The following HID1 variants were observed in gnomAD, a reference collection of about 807,000 sequenced individuals.
The protein encoded by HID1 is HID1 domain containing.
Under a neutral mutation model 89.7 loss-of-function variants are expected in HID1, and 42 were observed. That is an observed-to-expected ratio of 0.47 (90% confidence interval 0.37 to 0.61). The LOEUF (loss-of-function observed/expected upper bound fraction) is 0.61, where lower values mean the gene tolerates loss of function less well. HID1 is among the 20% of genes least tolerant of loss of function. The pLI, the probability that HID1 is intolerant of heterozygous loss-of-function variation, is 0.00. For missense variants in HID1, 854 were observed against 1,039.3 expected, an observed-to-expected ratio of 0.82 and a Z score of 2.45; for synonymous variants, 442 against 433.8, an observed-to-expected ratio of 1.02 and a Z score of -0.24.
In HID1 at chr17:74,951,115, A is replaced by AAC. The variant is rs1291904335; in HGVS notation, c.*453_*454dup. 6.3e-6 allele frequency: 1 copy of AAC among 159,486 alleles called. No homozygotes were observed. The allele number at this position is 159,486 out of a possible 1,614,324, so 9.9% of individuals were successfully genotyped here. ...CACACCTTTTTCCCCTGGAGCCTGG[A>AAC]ACAGCTGGCTTTGGGTTAGGAGGCT... On this transcript the variant is annotated 3_prime_UTR_variant, in exon 19 of 19. Coordinates refer to ENST00000425042, the MANE Select transcript of HID1 (RefSeq NM_030630.3).
rs550899529 is a variant in HID1 at position 74,971,185 on chromosome 17, C to G, written c.66+1406G>C. ...CCAGCTGCCGAGCCCACAGTGCAAT[C>G]CTCCAACAAGGAGTTTCTTCCCCAG... On this transcript the variant is annotated intron_variant, in intron 1 of 18. Transcript: ENST00000425042. Among the ~76,000 whole-genome samples the G allele has an allele frequency of 2.0e-5, 3 of 152,288 alleles. No homozygotes were observed. The South Asian group carries it at 6.2e-4, about 32-fold the overall frequency.
chr17:74,962,005 G>T lies in HID1; in HGVS notation c.612-16C>A, dbSNP rs375098395. Reference sequence around the variant, plus strand: ...CAGCTCCATCCTTGTAGGAGGAAGGGGGAGGGCACCTTAGGATCCCAGTCC... The same window carrying T: ...CAGCTCCATCCTTGTAGGAGGAAGGTGGAGGGCACCTTAGGATCCCAGTCC... On this transcript the variant is annotated splice_polypyrimidine_tract_variant and intron_variant, in intron 5 of 18. Transcript: ENST00000425042. The surrounding 1 kb of genome is among the most constrained non-coding windows in gnomAD (Gnocchi z 4.3). The T allele has an allele frequency of 2.6e-6, 4 of 1,534,934 alleles. No individual in the cohort carries two copies. In the African/African-American group the frequency reaches 5.5e-5, roughly 21 times the overall value.
intron 13 of HID1, chr17:74,954,760 G>A: frequency 3.6e-6 from 1 of 276,220 alleles, no homozygotes; most frequent in Non-Finnish European, 7.0e-6. Flanking sequence ...AAGTCACAGA[G>A]GATCCGTCCA....
chr17:74,957,719 G>A (rs1232020765), intron 12 of HID1, among the ~76,000 whole-genome samples: 1 of 151,846 alleles, frequency 6.6e-6, no homozygotes, highest in Non-Finnish European at 1.5e-5. Context: ...GGACAACATG[G>A]CAAAACCCCG....
Position 74,952,627 on chromosome 17 carries a change from G to A in HID1, c.2053-267C>T, listed in dbSNP as rs35759998. ...CACAACAGCGTGGTCAGGCAGGGACGGTAATTATCCCTGTCCCAGCGCAAC... is the reference window on the plus strand; with the variant it reads ...CACAACAGCGTGGTCAGGCAGGGACAGTAATTATCCCTGTCCCAGCGCAAC... On this transcript the variant is annotated intron_variant, in intron 16 of 18. Transcript: ENST00000425042. Among the ~76,000 whole-genome samples, 525 of 152,300 alleles carry A rather than the reference G, an allele frequency of 3.4e-3. 1 individual carries two copies. Among genetic ancestry groups the A allele is most frequent in the Non-Finnish European group, 5.6e-3 (379 of 68,016 alleles).
chr17:74,960,292 C>T (rs375632284), intron 6 of HID1, 44 bp from the exon 7 acceptor site: 2 of 1,541,208 alleles, frequency 1.3e-6, no homozygotes, highest in African/African-American at 2.7e-5. Flanking sequence ...GCACTGGGGC[C>T]CAGCCCCCTG....
Position 74,954,257 on chromosome 17 carries a change from C to T in HID1, c.1745G>A (p.Arg582Gln), listed in dbSNP as rs566625537. The T allele has an allele frequency of 1.0e-5, 16 of 1,588,298 alleles. No homozygotes were observed. In the East Asian group the frequency reaches 1.8e-4, roughly 18 times the overall value. The part of the protein sequence containing the change: ...PTIHKALQRR[R>Q]RTPEPLSRTG... ...GCGAGACAAGGGCTCAGGTGTCCGC[C>T]GGCGCCGCTGCAGGGCCTTGTGAAT... Residue 582 changes from arginine (R) to glutamine (Q), a missense_variant, in exon 14 of 19, where the codon CGG (arginine) becomes CAG (glutamine). Coordinates refer to ENST00000425042, the MANE Select transcript of HID1 (RefSeq NM_030630.3).
Position 74,951,305 on chromosome 17 carries a change from A to C in HID1, c.*265T>G, listed in dbSNP as rs2039294057. On this transcript the variant is annotated 3_prime_UTR_variant, in exon 19 of 19. Transcript: ENST00000425042. Reference sequence around the variant, plus strand: ...GCACTGAGCCAGGTCTTAAAGAGGGAGTCCGAGTGTTGGGGGCAGTGGTCT... The same window carrying C: ...GCACTGAGCCAGGTCTTAAAGAGGGCGTCCGAGTGTTGGGGGCAGTGGTCT... 2.6e-5 allele frequency: 14 copies of C among 545,586 alleles called. No individual in the cohort carries two copies. In the South Asian group the frequency reaches 3.3e-4, roughly 13 times the overall value. The allele number at this position is 545,586 out of a possible 1,614,324, so 33.8% of individuals were successfully genotyped here.
chr17:74,969,838 C>T (rs1286193968), intron 1 of HID1, among the ~76,000 whole-genome samples: 3 of 149,956 alleles, frequency 2.0e-5, no homozygotes, highest in African/African-American at 4.9e-5. Context: ...TGGGCTCAAG[C>T]GATCCTCCTG....
In HID1 at chr17:74,958,738, C is replaced by G; in HGVS notation, c.1175G>C (p.Ser392Thr). The G allele has an allele frequency of 6.2e-7, 1 of 1,611,950 alleles. No individual in the cohort carries two copies. The highest frequency in any genetic ancestry group is 8.5e-7 in the Non-Finnish European group (1 of 1,179,396). Residue 392 changes from serine to threonine, a missense_variant, in exon 10 of 19, where the codon AGC (serine) becomes ACC (threonine). Ser to Thr is a moderately conservative substitution (Grantham distance 58). Transcript: ENST00000425042. The surrounding 1 kb of genome is among the most constrained non-coding windows in gnomAD (Gnocchi z 5.2). ...NKKFLFFVLK[S>T]SDVLDILVPI... ...GACAAGGATGTCTAGGACGTCGCTGCTCTTCAGCACGAAGAAGAGGAATTT... is the reference window on the plus strand; with the variant it reads ...GACAAGGATGTCTAGGACGTCGCTGGTCTTCAGCACGAAGAAGAGGAATTT...
chr17:74,952,917 T>A lies in HID1; in HGVS notation c.2052+89A>T, dbSNP rs1598614778. 7.9e-6 allele frequency: 8 copies of A among 1,013,278 alleles called. No individual in the cohort carries two copies. The South Asian group carries it at 1.3e-4, about 16-fold the overall frequency. 62.8% of individuals were successfully genotyped at this position (1,013,278 alleles called of 1,614,324 possible). ...TCTTGCCATCTTCACTGAGCTTCCCTGGGCCAAGGAGCCCCAACCCAGCTC... is the reference window on the plus strand; with the variant it reads ...TCTTGCCATCTTCACTGAGCTTCCCAGGGCCAAGGAGCCCCAACCCAGCTC... On this transcript the variant is annotated intron_variant, in intron 16 of 18. Coordinates refer to ENST00000425042, the MANE Select transcript of HID1 (RefSeq NM_030630.3).
At position 74,954,337 on chromosome 17, in the gene HID1, G is replaced by A. The variant is rs748148284; in HGVS notation, c.1665C>T (p.Ile555=). 1.3e-6 allele frequency: 2 copies of A among 1,577,156 alleles called. No homozygotes were observed. ...DGNSNLVYAI[I]RKRSIFHQLA... ...GCTGGTGGAAGATGCTGCGCTTGCG[G>A]ATGATGGCGTAGACCAGGTTGGAGT... Residue 555 remains isoleucine (I), a synonymous_variant, in exon 14 of 19, where the codon ATC becomes ATT. Coordinates refer to ENST00000425042, the MANE Select transcript of HID1 (RefSeq NM_030630.3).
intron 1 of HID1, 52 bp from the exon 2 acceptor site, chr17:74,964,684 A>G (rs2039536431): frequency 6.4e-7 from 1 of 1,563,412 alleles, no homozygotes; most frequent in South Asian, 1.2e-5. Context: ...CAGAGGGCCT[A>G]CACTTTGCCC....
chr17:74,952,847 C>A (rs144858677), intron 16 of HID1, among the ~76,000 whole-genome samples, 159 bp downstream of exon 16: 1 of 152,216 alleles, frequency 6.6e-6, no homozygotes, highest in African/African-American at 2.4e-5. Context: ...CCGGAAGGAC[C>A]GACCCAGAGT....
chr17:74,953,995 C>A lies in HID1; in HGVS notation c.1864+143G>T, dbSNP rs897027859. 9.2e-4 allele frequency: 755 copies of A among 819,466 alleles called. 7 individuals are homozygous for A. The highest frequency in any genetic ancestry group is 4.2e-4 in the Admixed American group (20 of 47,934). 50.8% of individuals were successfully genotyped at this position (819,466 alleles called of 1,614,324 possible). On this transcript the variant is annotated intron_variant, in intron 14 of 18. Coordinates refer to ENST00000425042, the MANE Select transcript of HID1 (RefSeq NM_030630.3). The stretch of plus-strand genomic sequence containing the variant: ...CTAAGCCCATCCAGTACCCTCCCCC[C>A]ATCCCTGTTGCCCAGCCCCATCCCC...
chr17:74,955,952 G>A lies in HID1; in HGVS notation c.1476C>T (p.Ser492=). Reference sequence around the variant, plus strand: ...CCATGGACAGGCTCTTGAGGTAGGGGGACACTGTAAGGGAGGGGTCAGCTC... The same window carrying A: ...CCATGGACAGGCTCTTGAGGTAGGGAGACACTGTAAGGGAGGGGTCAGCTC... ...DCLLTIVVNV[S]PYLKSLSMVT... Residue 492 remains serine, a synonymous_variant, in exon 13 of 19, where the codon TCC becomes TCT. Transcript: ENST00000425042. The A allele has an allele frequency of 6.2e-7, 1 of 1,613,668 alleles. No homozygotes were observed. Among genetic ancestry groups the A allele is most frequent in the Non-Finnish European group, 8.5e-7 (1 of 1,179,842 alleles).
In HID1 at chr17:74,972,720, C is replaced by T. The variant is rs949309802; in HGVS notation, c.-64G>A. The T allele has an allele frequency of 4.2e-6, 6 of 1,434,900 alleles. No individual in the cohort carries two copies. The South Asian group carries it at 6.6e-5, about 16-fold the overall frequency. The allele number at this position is 1,434,900 out of a possible 1,614,324, so 88.9% of individuals were successfully genotyped here. ...TCCAACCCGGCTCCGGCTTCAGCTC[C>T]GGCTCCAGCTCCGCGGCCCCCGCGG... On this transcript the variant is annotated 5_prime_UTR_variant, in exon 1 of 19. Coordinates refer to ENST00000425042, the MANE Select transcript of HID1 (RefSeq NM_030630.3). The surrounding 1 kb of genome is among the most constrained non-coding windows in gnomAD (Gnocchi z 6.4).
intron 1 of HID1, among the ~76,000 whole-genome samples, chr17:74,969,802 T>C (rs565596524): frequency 1.3e-5 from 2 of 151,202 alleles, no homozygotes; most frequent in South Asian, 4.2e-4. Context: ...GGTCTTGCTG[T>C]GTTGCCCAGG....
intron 1 of HID1, among the ~76,000 whole-genome samples, chr17:74,971,781 T>C (rs377297334): frequency 2.6e-5 from 4 of 152,144 alleles, no homozygotes; most frequent in East Asian, 3.8e-4. Flanking sequence ...GAGGTGGCTA[T>C]TGGGCCACTT....
Sources: gnomAD v4.1 joint callset for allele counts (sites outside exome capture counted in the v4.1 genomes callset) on GRCh38, gnomAD v4.1.1 for gene constraint, Gnocchi (gnomAD v3.1) non-coding constraint, MANE v1.5 for transcripts, NCBI Gene and HGNC (gene_info 2026-07-23, HGNC 2026-07-21) for gene names.